SOX5: variants seen among roughly 807,000 people sequenced by gnomAD.
SOX5 encodes the protein SRY-box transcription factor 5.
In SOX5, 9 loss-of-function variants were observed where a neutral mutation model predicts 92.0. The observed-to-expected ratio is 0.10, with a 90% CI of 0.06 to 0.17. The LOEUF (loss-of-function observed/expected upper bound fraction) is 0.17, where lower values mean the gene tolerates loss of function less well. Among genes scored for constraint, SOX5 ranks in the 10% least tolerant of loss-of-function variants. The pLI is 1.00. For missense variants in SOX5, 642 were observed against 944.5 expected (o/e 0.68, Z 4.20); for synonymous variants, 344 against 336.3 (o/e 1.02, Z -0.25).
chr12:23,745,075 C>T (rs562971347), intron 4 of SOX5, among the ~76,000 whole-genome samples: 6 of 152,076 alleles, frequency 3.9e-5, no homozygotes, highest in African/African-American at 7.2e-5. Flanking sequence ...TCTCCAAATA[C>T]GTTCATATTC....
intron 4 of SOX5, among the ~76,000 whole-genome samples, chr12:23,754,785 T>G (rs2094309476): frequency 6.6e-6 from 1 of 151,848 alleles, no homozygotes; most frequent in Non-Finnish European, 1.5e-5. Flanking sequence ...GCAAAAAAGT[T>G]ATTTATACAC....
intron 6 of SOX5, among the ~76,000 whole-genome samples, chr12:23,708,508 C>A (rs1210296137): frequency 1.3e-5 from 2 of 152,122 alleles, no homozygotes; most frequent in African/African-American, 4.8e-5. Context: ...TGTAGAGAGT[C>A]AGTAGCTGTC....
At chr12:24,314,295 T>G (rs898877383) in intron 2 of SOX5, among the ~76,000 whole-genome samples, 1 of 150,110 alleles carries the variant, frequency 6.7e-6, no homozygotes, top group African/African-American at 2.5e-5. Flanking sequence ...TCATTTTTTA[T>G]GGCTGCATAG....
chr12:23,542,042 G>A (rs1182932278), intron 13 of SOX5, among the ~76,000 whole-genome samples: 1 of 151,640 alleles, frequency 6.6e-6, no homozygotes, highest in Non-Finnish European at 1.5e-5. Context: ...CCCGGGAGGC[G>A]GAGGTTGCAG....
rs773532448 is a variant in SOX5 at position 23,737,983 on chromosome 12, C to T, written c.741+2884G>A. On this transcript the variant is annotated intron_variant, in intron 5 of 14. Transcript: ENST00000451604. ...AAGTTTTCAACATAATACTTAGCAA[C>T]GTACAGTTTACTGGTTTACTTATTG... Among the ~76,000 whole-genome samples, 10 of 152,300 alleles carry T rather than the reference C, an allele frequency of 6.6e-5. 1 individual carries two copies. Among genetic ancestry groups the T allele is most frequent in the African/African-American group, 1.4e-4 (6 of 41,570 alleles).
At chr12:24,170,756 T>C (rs1385145076) in intron 4 of SOX5, among the ~76,000 whole-genome samples, 1 of 152,192 alleles carries the variant, frequency 6.6e-6, no homozygotes, top group Non-Finnish European at 1.5e-5. Flanking sequence ...ATAATGAAAT[T>C]TGGCTTTCAG....
intron 4 of SOX5, among the ~76,000 whole-genome samples, chr12:23,968,774 C>A (rs76180078): frequency 3.3e-5 from 5 of 152,176 alleles, no homozygotes; most frequent in African/African-American, 1.2e-4. Flanking sequence ...AGGACCCCTG[C>A]TTTTTATCCT....
intron 4 of SOX5, among the ~76,000 whole-genome samples, chr12:23,999,710 C>T (rs1481791193): frequency 6.6e-6 from 1 of 151,802 alleles, no homozygotes; most frequent in African/African-American, 2.4e-5. Flanking sequence ...AATTATAATA[C>T]TATACAATAA....
chr12:24,115,098 A>C (rs564341353), intron 4 of SOX5, among the ~76,000 whole-genome samples: 1 of 152,210 alleles, frequency 6.6e-6, no homozygotes, highest in African/African-American at 2.4e-5. Flanking sequence ...ATAAAGAATC[A>C]ATATAAAATG....
intron 3 of SOX5, among the ~76,000 whole-genome samples, chr12:24,272,924 A>G (rs1401089160): frequency 6.6e-6 from 1 of 152,302 alleles, no homozygotes; most frequent in East Asian, 1.9e-4. Flanking sequence ...CTTTTGAAAA[A>G]AAAAAAATTA....
intron 3 of SOX5, among the ~76,000 whole-genome samples, chr12:23,829,649 C>G (rs1057028812): frequency 2.6e-5 from 4 of 152,116 alleles, no homozygotes; most frequent in African/African-American, 9.7e-5. Context: ...CACCATTTAT[C>G]TGAGGGACTT....
intron 2 of SOX5, among the ~76,000 whole-genome samples, chr12:23,871,376 T>A (rs533756491): frequency 2.0e-5 from 3 of 152,306 alleles, no homozygotes; most frequent in East Asian, 3.9e-4. Flanking sequence ...TTGTTCAATA[T>A]CAATTCAAGC....
At chr12:24,280,366 T>A (rs1030449399) in intron 2 of SOX5, among the ~76,000 whole-genome samples, 1 of 152,204 alleles carries the variant, frequency 6.6e-6, no homozygotes, top group African/African-American at 2.4e-5. Flanking sequence ...TCAAAGATGT[T>A]AGCCATGTTC....
At chr12:24,452,242 T>G (rs144842560) in intron 1 of SOX5, among the ~76,000 whole-genome samples, 1 of 152,344 alleles carries the variant, frequency 6.6e-6, no homozygotes, top group African/African-American at 2.4e-5. Flanking sequence ...AATACCTAAA[T>G]ATTTGACATA....
At chr12:23,608,782 G>C (rs919775335) in intron 8 of SOX5, among the ~76,000 whole-genome samples, 2 of 152,052 alleles carry the variant, frequency 1.3e-5, no homozygotes, top group African/African-American at 2.4e-5. Context: ...GAAAGCACAT[G>C]GTAAAGAATG....
At position 24,068,159 on chromosome 12, in the gene SOX5, A is replaced by C. The variant is rs150388733; in HGVS notation, c.-2+145184T>G. On this transcript the variant is annotated intron_variant, in intron 4 of 4. Transcript: ENST00000446891. ...GACTCCGTCTCAAACAAAACAAAACAAAAAAAACTTAAAGGGTAATAAGTA... is the reference window on the plus strand; with the variant it reads ...GACTCCGTCTCAAACAAAACAAAACCAAAAAAACTTAAAGGGTAATAAGTA... Among the ~76,000 whole-genome samples the C allele has an allele frequency of 2.0e-5, 3 of 152,202 alleles. No homozygotes were observed. In the East Asian group the frequency reaches 5.8e-4, roughly 29 times the overall value.
chr12:24,265,160 G>C (rs1361227420), intron 3 of SOX5, among the ~76,000 whole-genome samples: 1 of 152,120 alleles, frequency 6.6e-6, no homozygotes. Flanking sequence ...AAAACAATTT[G>C]TTCCTCTAGA....
chr12:24,403,240 G>A (rs1359242630), intron 1 of SOX5, among the ~76,000 whole-genome samples: 1 of 152,178 alleles, frequency 6.6e-6, no homozygotes, highest in East Asian at 1.9e-4. Flanking sequence ...CTTTCCCAGA[G>A]CTGACAATAA....
At chr12:23,546,519 G>A (rs1186646770) in intron 11 of SOX5, 95 bp from the exon 12 acceptor site, 1 of 695,588 alleles carries the variant, frequency 1.4e-6, no homozygotes, top group African/African-American at 1.8e-5. Context: ...TTAACTCCTG[G>A]AAAGGATGCA....
Sources: allele counts gnomAD v4.1 joint callset (sites outside exome capture counted in the v4.1 genomes callset), GRCh38; gene constraint gnomAD v4.1.1; transcripts MANE v1.5; gene names NCBI Gene and HGNC (gene_info 2026-07-23, HGNC 2026-07-21).